Variants in LRRFIP1 observed in about 807,000 individuals in gnomAD.
LRRFIP1 encodes the protein leucine-rich repeat flightless-interacting protein 1.
A neutral mutation model predicts 104.4 loss-of-function variants in LRRFIP1; 62 were observed. The observed-to-expected ratio is 0.59, with a 90% CI of 0.48 to 0.73. The LOEUF is 0.73. Among genes scored for constraint, LRRFIP1 ranks in the 30% least tolerant of loss-of-function variants. The pLI is 0.00. For missense variants in LRRFIP1, 796 were observed against 824.5 expected (o/e 0.97, Z 0.42); for synonymous variants, 300 against 299.0 (o/e 1.00, Z -0.03).
chr2:237,710,196 G>A (rs1376137017), intron 2 of LRRFIP1, among the ~76,000 whole-genome samples: 1 of 152,046 alleles, frequency 6.6e-6, no homozygotes, highest in Non-Finnish European at 1.5e-5. Context: ...AATCTCAGGT[G>A]CTTTTTCACA....
rs1010432398 is a variant in LRRFIP1 at position 237,691,689 on chromosome 2, C to A, written c.97-16855C>A. The stretch of plus-strand genomic sequence containing the variant: ...ACCCTCGCCCAGCCCCGGGCAGGTC[C>A]CCCCCCGGAGGGGACCCCCTCTTCG... On this transcript the variant is annotated intron_variant, in intron 1 of 23. Transcript: ENST00000308482. This position sits in a 1 kb window ranked among gnomAD's most constrained non-coding sequence, Gnocchi z 5.4. Among the ~76,000 whole-genome samples, 1 of 148,766 alleles carries A rather than the reference C, an allele frequency of 6.7e-6. No homozygotes were observed. The highest frequency in any genetic ancestry group is 1.5e-5 in the Non-Finnish European group (1 of 67,946).
rs60927217 is a variant in LRRFIP1, at chr2:237,718,337, G to C, written c.249+528G>C. Among the ~76,000 whole-genome samples, 279 of 152,240 alleles carry C rather than the reference G, an allele frequency of 1.8e-3. 6 individuals are homozygous for C. The East Asian group carries it at 0.047, about 26-fold the overall frequency. ...GTTGGGTTCTCTCTTCATCTTGTCC[G>C]CTGTGCCTGCCGAAACCACTGGTCT... On this transcript the variant is annotated intron_variant, in intron 4 of 23. Transcript: ENST00000308482.
chr2:237,755,179 C>G (rs1360815728), intron 15 of LRRFIP1, among the ~76,000 whole-genome samples: 2 of 152,192 alleles, frequency 1.3e-5, no homozygotes, highest in East Asian at 1.9e-4. Flanking sequence ...TGGGCAGGAA[C>G]ACAGCAGAGC....
chr2:237,674,888 T>A (rs2090904589), intron 1 of LRRFIP1, among the ~76,000 whole-genome samples: 2 of 152,256 alleles, frequency 1.3e-5, no homozygotes, highest in Admixed American at 6.5e-5. Flanking sequence ...GCTGTTGAAC[T>A]GTTGCCTCTC....
At chr2:237,647,482 G>A (rs1375141090) in intron 1 of LRRFIP1, among the ~76,000 whole-genome samples, 1 of 152,078 alleles carries the variant, frequency 6.6e-6, no homozygotes, top group Non-Finnish European at 1.5e-5. Context: ...TGCAGGGCTA[G>A]GAGAGTAGAG....
At chr2:237,694,953 G>A (rs868098308) in intron 1 of LRRFIP1, among the ~76,000 whole-genome samples, 2 of 152,232 alleles carry the variant, frequency 1.3e-5, no homozygotes, top group African/African-American at 4.8e-5. Flanking sequence ...TGGACACACA[G>A]TCTCCCAAGT....
rs539582262 is a variant in LRRFIP1, at chr2:237,703,517, C to T, written c.97-5027C>T. ...CGGAGGCTGAGGGCGAGGGTCTGCACCCCAGGCGTCTGCACTCCTTGTCAC... is the reference window on the plus strand; with the variant it reads ...CGGAGGCTGAGGGCGAGGGTCTGCATCCCAGGCGTCTGCACTCCTTGTCAC... On this transcript the variant is annotated intron_variant, in intron 1 of 23. Transcript: ENST00000308482. This position sits in a 1 kb window ranked among gnomAD's most constrained non-coding sequence, Gnocchi z 4.3. Among the ~76,000 whole-genome samples, 50 of 152,198 alleles carry T rather than the reference C, an allele frequency of 3.3e-4. No homozygotes were observed. Among genetic ancestry groups the T allele is most frequent in the African/African-American group, 1.2e-3 (50 of 41,524 alleles).
intron 12 of LRRFIP1, 68 bp from the exon 13 acceptor site, chr2:237,749,131 T>G: frequency 6.5e-7 from 1 of 1,526,906 alleles, no homozygotes; most frequent in South Asian, 1.2e-5. Context: ...GGATTACAAT[T>G]CCAGATGAGA....
chr2:237,706,853 CTT>C (rs933477549), intron 1 of LRRFIP1, among the ~76,000 whole-genome samples: 27 of 152,166 alleles, frequency 1.8e-4, no homozygotes, highest in African/African-American at 6.3e-4. Context: ...GTCTCGAACT[CTT>C]GACCTCAAGA....
rs779869843 is a variant in LRRFIP1, at chr2:237,649,977, T to C, written c.96+22237T>C. 6.6e-6 allele frequency among the ~76,000 whole-genome samples: 1 copy of C among 152,088 alleles called. No homozygotes were observed. The highest frequency in any genetic ancestry group is 1.5e-5 in the Non-Finnish European group (1 of 67,968). The stretch of plus-strand genomic sequence containing the variant: ...ACTGGGCAGATTTTTACTTAGCACA[T>C]TCCCTGTGCTGGGGACTTCCCCGGG... On this transcript the variant is annotated intron_variant, in intron 1 of 23. Transcript: ENST00000308482. This position sits in a 1 kb window ranked among gnomAD's most constrained non-coding sequence, Gnocchi z 4.1.
chr2:237,723,285 G>C (rs945314641), intron 6 of LRRFIP1, among the ~76,000 whole-genome samples: 5 of 152,212 alleles, frequency 3.3e-5, no homozygotes, highest in Admixed American at 1.3e-4. Context: ...GAGGAAATAA[G>C]ATTTATCAAA....
intron 7 of LRRFIP1, among the ~76,000 whole-genome samples, chr2:237,726,803 C>T (rs2094770785): frequency 6.6e-6 from 1 of 152,052 alleles, no homozygotes; most frequent in Non-Finnish European, 1.5e-5. Context: ...CAGAAATTTC[C>T]TTATAGATGA....
intron 2 of LRRFIP1, among the ~76,000 whole-genome samples, chr2:237,713,400 C>T (rs1481927837): frequency 1.3e-5 from 2 of 152,094 alleles, no homozygotes; most frequent in Non-Finnish European, 2.9e-5. Context: ...TTCAAGTGAA[C>T]CTTGAACTTC....
chr2:237,727,840 C>T, intron 7 of LRRFIP1, 36 bp from the exon 8 acceptor site: 2 of 1,498,162 alleles, frequency 1.3e-6, no homozygotes, highest in Non-Finnish European at 1.8e-6. Flanking sequence ...CATTTGTGTA[C>T]TGATGTCAGT....
chr2:237,737,130 C>T lies in LRRFIP1; in HGVS notation c.555+1797C>T, dbSNP rs58647478. 4.4e-3 allele frequency among the ~76,000 whole-genome samples: 677 copies of T among 152,324 alleles called. 2 individuals carry two copies. The highest frequency in any genetic ancestry group is 0.015 in the African/African-American group (605 of 41,564). On this transcript the variant is annotated intron_variant, in intron 10 of 23. Coordinates refer to ENST00000308482, the MANE Select transcript of LRRFIP1 (RefSeq NM_001137550.2). The stretch of plus-strand genomic sequence containing the variant: ...CCCCTGGAGGACCAGGAATTGCCCC[C>T]GCGCAGCTCCTGAGTGTGAAGTGAC...
intron 1 of LRRFIP1, among the ~76,000 whole-genome samples, chr2:237,635,559 C>T (rs949285757): frequency 2.6e-5 from 4 of 152,212 alleles, no homozygotes; most frequent in African/African-American, 9.7e-5. Context: ...TTATGGCTCA[C>T]ACCTGTAATT....
At chr2:237,720,983 T>C (rs2094518172) in intron 6 of LRRFIP1, 161 bp downstream of exon 6, 1 of 647,382 alleles carries the variant, frequency 1.5e-6, no homozygotes, top group Non-Finnish European at 2.8e-6. Context: ...ATGGGGGATG[T>C]TTCTTTGTTG....
In LRRFIP1 at chr2:237,769,572, A is replaced by C. The variant is rs2060452181; in HGVS notation, c.1460-371A>C. ...CGAGGCTGTTCAAAATGTTGGTGCT[A>C]TTGAATTGTGATTCTCGGTGTTTGT... is the stretch of plus-strand genomic sequence containing the variant. On this transcript the variant is annotated intron_variant, in intron 19 of 23. Coordinates refer to ENST00000308482, the MANE Select transcript of LRRFIP1 (RefSeq NM_001137550.2). 7 of 220,956 alleles carry C rather than the reference A, an allele frequency of 3.2e-5. No homozygotes were observed. The South Asian group carries it at 5.8e-4, about 18-fold the overall frequency. 13.7% of individuals were successfully genotyped at this position (220,956 alleles called of 1,614,324 possible).
intron 1 of LRRFIP1, among the ~76,000 whole-genome samples, chr2:237,676,572 C>A (rs1379555223): frequency 1.3e-5 from 2 of 152,194 alleles, no homozygotes; most frequent in Non-Finnish European, 2.9e-5. Context: ...GTGACACGAT[C>A]TCGGCTCATT....
Sources: allele counts gnomAD v4.1 joint callset (sites outside exome capture counted in the v4.1 genomes callset), GRCh38; gene constraint gnomAD v4.1.1; non-coding constraint Gnocchi (gnomAD v3.1); transcripts MANE v1.5; gene names NCBI Gene and HGNC (gene_info 2026-07-23, HGNC 2026-07-21).